Variants in NDST4 observed in about 807,000 individuals in gnomAD.
The protein encoded by NDST4 is N-deacetylase and N-sulfotransferase 4, also known as N-heparan sulfate sulfotransferase 4.
NDST4 carries 63 observed loss-of-function variants against 100.8 expected under a neutral mutation model. The ratio of observed to expected loss-of-function variants is 0.62; its 90% confidence interval spans 0.51 to 0.77. NDST4 has a LOEUF of 0.77. Among genes scored for constraint, NDST4 ranks in the 30% least tolerant of loss-of-function variants. The probability of loss-of-function intolerance (pLI) is 0.00; values close to 1 mark genes in which losing one functional copy is unlikely to be tolerated. For missense variants in NDST4, 943 were observed against 1,018.4 expected, an observed-to-expected ratio of 0.93 and a Z score of 1.01; for synonymous variants, 377 against 361.8, an observed-to-expected ratio of 1.04 and a Z score of -0.48.
intron 7 of NDST4, among the ~76,000 whole-genome samples, chr4:114,854,182 A>G (rs1024143616): frequency 2.0e-5 from 3 of 152,086 alleles, no homozygotes; most frequent in Non-Finnish European, 2.9e-5. Context: ...CATGAGTTCA[A>G]TTGTTTTAAT....
intron 13 of NDST4, 76 bp downstream of exon 13, chr4:114,829,714 T>C: frequency 9.6e-7 from 1 of 1,039,864 alleles, no homozygotes; most frequent in Non-Finnish European, 1.4e-6. Context: ...AGGAAGCAAA[T>C]TTCTTGTTAC....
chr4:115,036,002 C>T (rs973081187), intron 2 of NDST4, among the ~76,000 whole-genome samples: 1 of 151,856 alleles, frequency 6.6e-6, no homozygotes, highest in Non-Finnish European at 1.5e-5. Context: ...ATAATTGGGA[C>T]TCTAAGCTTT....
intron 2 of NDST4, among the ~76,000 whole-genome samples, chr4:115,007,310 A>G (rs1021072368): frequency 2.6e-5 from 4 of 152,144 alleles, no homozygotes; most frequent in African/African-American, 7.2e-5. Context: ...TGTTTTGTGA[A>G]ATGGTGACAA....
chr4:114,832,548 A>C (rs1419870690), intron 12 of NDST4, among the ~76,000 whole-genome samples: 1 of 152,042 alleles, frequency 6.6e-6, no homozygotes, highest in Non-Finnish European at 1.5e-5. Flanking sequence ...CCCATTTTTA[A>C]TTATAAAAAT....
chr4:115,106,941 G>A (rs939888838), intron 1 of NDST4, among the ~76,000 whole-genome samples: 1 of 151,664 alleles, frequency 6.6e-6, no homozygotes, highest in Admixed American at 6.6e-5. Context: ...GATAGCTTGA[G>A]GCCAGGAAAT....
chr4:115,002,138 T>C (rs576321893), intron 2 of NDST4, among the ~76,000 whole-genome samples: 6 of 152,216 alleles, frequency 3.9e-5, no homozygotes, highest in Admixed American at 3.9e-4. Flanking sequence ...AGGGTTCTTA[T>C]TTCTCCACAG....
At chr4:114,831,336 G>T (rs367871675) in intron 12 of NDST4, among the ~76,000 whole-genome samples, 6 of 152,198 alleles carry the variant, frequency 3.9e-5, no homozygotes, top group African/African-American at 1.4e-4. Context: ...ACAGGCGTGA[G>T]CCACCGCGCC....
chr4:115,039,082 C>T lies in NDST4; in HGVS notation c.978+36977G>A, dbSNP rs553101308. On this transcript the variant is annotated intron_variant, in intron 2 of 13. Coordinates refer to ENST00000264363, the MANE Select transcript of NDST4 (RefSeq NM_022569.3). ...CTTTAGATAAACTGAAAATCGTGGA[C>T]TATATCTATAAAACAATCCGGTGAG... Among the ~76,000 whole-genome samples, 7 of 152,194 alleles carry T rather than the reference C, an allele frequency of 4.6e-5. No homozygotes were observed. The South Asian group carries it at 1.4e-3, about 31-fold the overall frequency.
intron 6 of NDST4, among the ~76,000 whole-genome samples, chr4:114,903,655 T>C (rs961788695): frequency 2.0e-5 from 3 of 152,032 alleles, no homozygotes; most frequent in Non-Finnish European, 1.5e-5. Context: ...GTTGATTGTT[T>C]AGTTTGTTCA....
At chr4:114,850,844 T>A (rs1723661262) in intron 8 of NDST4, among the ~76,000 whole-genome samples, 1 of 152,214 alleles carries the variant, frequency 6.6e-6, no homozygotes, top group African/African-American at 2.4e-5. Flanking sequence ...TGACTCTGAA[T>A]GATGAAGGAT....
intron 2 of NDST4, among the ~76,000 whole-genome samples, chr4:114,983,897 A>T (rs114210730): frequency 0.027 from 4,075 of 152,218 alleles, 124 homozygotes; most frequent in African/African-American, 0.067. Context: ...CCCCAAGTGC[A>T]GTCTTGTGAC....
rs150861595 is a variant in NDST4 at position 114,910,579 on chromosome 4, C to A, written c.1536+24627G>T. On this transcript the variant is annotated intron_variant, in intron 6 of 13. Coordinates refer to ENST00000264363, the MANE Select transcript of NDST4 (RefSeq NM_022569.3). ...TAAATTTATGTTTTTGAAATGTGTTCTTTTTCTCTGCAGATATATCATTCA... is the reference window on the plus strand; with the variant it reads ...TAAATTTATGTTTTTGAAATGTGTTATTTTTCTCTGCAGATATATCATTCA... 0.014 allele frequency among the ~76,000 whole-genome samples: 2,077 copies of A among 152,126 alleles called. 90 individuals carry two copies. In the South Asian group the frequency reaches 0.16, roughly 11 times the overall value.
chr4:114,984,842 T>C (rs779864672), intron 2 of NDST4, among the ~76,000 whole-genome samples: 20 of 152,186 alleles, frequency 1.3e-4, no homozygotes, highest in Non-Finnish European at 2.1e-4. Flanking sequence ...AAATTTACAA[T>C]TGAAGATGAA....
At chr4:115,075,918 A>G in intron 2 of NDST4, 141 bp downstream of exon 2, 1 of 991,992 alleles carries the variant, frequency 1.0e-6, no homozygotes, top group Non-Finnish European at 1.4e-6. Context: ...GTCTTGGTTC[A>G]ATATTTTTCT....
At chr4:115,017,676 T>C (rs1465197379) in intron 2 of NDST4, among the ~76,000 whole-genome samples, 3 of 152,006 alleles carry the variant, frequency 2.0e-5, no homozygotes, top group Admixed American at 6.6e-5. Context: ...ATTCAGATGA[T>C]AAGAGATCAA....
intron 7 of NDST4, among the ~76,000 whole-genome samples, chr4:114,865,776 A>T (rs1315556833): frequency 3.3e-5 from 5 of 152,214 alleles, no homozygotes; most frequent in Non-Finnish European, 7.3e-5. Flanking sequence ...CAACTGATTA[A>T]CAGGGAAAAC....
At chr4:114,987,865 G>C (rs1726946957) in intron 2 of NDST4, among the ~76,000 whole-genome samples, 1 of 152,140 alleles carries the variant, frequency 6.6e-6, no homozygotes, top group South Asian at 2.1e-4. Flanking sequence ...CTGATCATGG[G>C]AAAGTGAGGT....
At chr4:114,899,509 A>G (rs1724789954) in intron 6 of NDST4, among the ~76,000 whole-genome samples, 3 of 151,914 alleles carry the variant, frequency 2.0e-5, no homozygotes, top group Admixed American at 2.0e-4. Flanking sequence ...GAAAGTCTCA[A>G]TCTATTCCTA....
At chr4:114,948,733 T>C (rs1384369382) in intron 4 of NDST4, among the ~76,000 whole-genome samples, 1 of 152,064 alleles carries the variant, frequency 6.6e-6, no homozygotes, top group Non-Finnish European at 1.5e-5. Flanking sequence ...AACAATTTCT[T>C]ATATTTGAAT....
Sources: allele counts gnomAD v4.1 joint callset (sites outside exome capture counted in the v4.1 genomes callset), GRCh38; gene constraint gnomAD v4.1.1; transcripts MANE v1.5; gene names NCBI Gene and HGNC (gene_info 2026-07-23, HGNC 2026-07-21).